ZNF124: variants seen among roughly 807,000 people sequenced by gnomAD.
The protein encoded by ZNF124 is zinc finger protein HZF-16.
A neutral mutation model predicts 26.6 loss-of-function variants in ZNF124; 25 were observed. The ratio of observed to expected loss-of-function variants is 0.94; its 90% confidence interval spans 0.68 to 1.31. The LOEUF (loss-of-function observed/expected upper bound fraction) is 1.31, where lower values mean the gene tolerates loss of function less well. Among genes scored for constraint, ZNF124 ranks in the 40% most tolerant of loss-of-function variants. The pLI is 0.00. For missense variants in ZNF124, 444 were observed against 422.2 expected, an observed-to-expected ratio of 1.05 and a Z score of -0.45; for synonymous variants, 129 against 133.3, an observed-to-expected ratio of 0.97 and a Z score of 0.22.
chr1:247,164,389 AAAC>A (rs1229470948), intron 1 of ZNF124, among the ~76,000 whole-genome samples: 1 of 152,208 alleles, frequency 6.6e-6, no homozygotes, highest in East Asian at 1.9e-4. Context: ...AGCTCCTGAT[AAAC>A]AACTTTAGCA....
intron 3 of ZNF124, among the ~76,000 whole-genome samples, chr1:247,144,780 C>CTTTT (rs5782417): frequency 6.9e-6 from 1 of 145,056 alleles, no homozygotes; most frequent in South Asian, 2.1e-4. Flanking sequence ...TTCTTTCTTT[C>CTTTT]TTTTTTTTTT....
intron 3 of ZNF124, among the ~76,000 whole-genome samples, chr1:247,148,731 C>T (rs1270473015): frequency 1.3e-5 from 2 of 151,860 alleles, no homozygotes; most frequent in Non-Finnish European, 2.9e-5. Flanking sequence ...GAGGCCGAGG[C>T]GGGCAGATCA....
rs1049385922 is a variant in ZNF124, at chr1:247,155,100, GTCTC to G, written c.*1462_*1465del. On this transcript the variant is annotated 3_prime_UTR_variant, in exon 4 of 4. Transcript: ENST00000543802. ...GACACAAGACACTGTTCGATCACAG[GTCTC>G]TCTCCTTAAACCAATGTTACCTATG... Among the ~76,000 whole-genome samples the G allele has an allele frequency of 5.9e-5, 9 of 152,218 alleles. No homozygotes were observed. The highest frequency in any genetic ancestry group is 7.3e-5 in the Non-Finnish European group (5 of 68,030).
intron 3 of ZNF124, among the ~76,000 whole-genome samples, chr1:247,143,715 T>C (rs1272920063): frequency 6.6e-6 from 1 of 152,196 alleles, no homozygotes; most frequent in Non-Finnish European, 1.5e-5. Context: ...AGGATTCCCT[T>C]ACCTGACTTA....
chr1:247,128,010 G>A (rs1672252428), intron 3 of ZNF124, among the ~76,000 whole-genome samples: 1 of 152,178 alleles, frequency 6.6e-6, no homozygotes, highest in Non-Finnish European at 1.5e-5. Flanking sequence ...ATCCATGACC[G>A]TATTCCCCAG....
rs575842650 is a variant in ZNF124, at chr1:247,168,485, G to C, written c.30+3363C>G. Among the ~76,000 whole-genome samples, 1 of 152,366 alleles carries C rather than the reference G, an allele frequency of 6.6e-6. No individual in the cohort carries two copies. On this transcript the variant is annotated intron_variant, in intron 1 of 3. Transcript: ENST00000543802. This position sits in a 1 kb window ranked among gnomAD's most constrained non-coding sequence, Gnocchi z 4.0. The stretch of plus-strand genomic sequence containing the variant: ...GCGACGGAAGGTTGTAGTGAGCCAA[G>C]ATCGTGCCACTGCACTACAGCCTGG...
chr1:247,136,374 A>T (rs554722859), intron 3 of ZNF124, among the ~76,000 whole-genome samples: 80 of 152,224 alleles, frequency 5.3e-4, no homozygotes, highest in African/African-American at 1.8e-3. Flanking sequence ...GAGTCAAATC[A>T]TGAATGAACT....
intron 3 of ZNF124, among the ~76,000 whole-genome samples, chr1:247,137,836 A>G (rs1270119081): frequency 6.6e-6 from 1 of 152,226 alleles, no homozygotes; most frequent in Non-Finnish European, 1.5e-5. Flanking sequence ...ACATTTATGC[A>G]TCTAACAAAC....
chr1:247,140,831 C>T (rs1672607830), intron 3 of ZNF124, among the ~76,000 whole-genome samples: 1 of 152,034 alleles, frequency 6.6e-6, no homozygotes, highest in Non-Finnish European at 1.5e-5. Flanking sequence ...CATGTGGCTC[C>T]CCTATATTTT....
intron 1 of ZNF124, among the ~76,000 whole-genome samples, chr1:247,169,054 C>T (rs917099939): frequency 3.9e-5 from 6 of 151,978 alleles, no homozygotes; most frequent in African/African-American, 1.5e-4. Context: ...TTTAAAATAT[C>T]TACATATATT....
chr1:247,165,985 T>G (rs953462477), intron 1 of ZNF124, among the ~76,000 whole-genome samples: 1 of 152,104 alleles, frequency 6.6e-6, no homozygotes, highest in African/African-American at 2.4e-5. Context: ...CGAGACCAGC[T>G]TGGACAATAT....
At chr1:247,154,472 G>C (rs1476049311), downstream of ZNF124, among the ~76,000 whole-genome samples, 1 of 152,042 alleles carries the variant, frequency 6.6e-6, no homozygotes, top group Non-Finnish European at 1.5e-5. Flanking sequence ...CCCAGTCTCA[G>C]GAATTTCTTC....
intron 3 of ZNF124, among the ~76,000 whole-genome samples, chr1:247,132,851 C>T (rs986211020): frequency 1.3e-4 from 20 of 152,110 alleles, no homozygotes; most frequent in Admixed American, 3.3e-4. Context: ...GACCTTCTCA[C>T]GCAGACCCCC....
In ZNF124 at chr1:247,166,241, A is replaced by C. The variant is rs149136650; in HGVS notation, c.30+5607T>G. Among the ~76,000 whole-genome samples the C allele has an allele frequency of 3.6e-4, 55 of 152,348 alleles. No homozygotes were observed. In the East Asian group the frequency reaches 8.1e-3, roughly 22 times the overall value. Reference sequence around the variant, plus strand: ...CAGATGCTGGTAAGGTTGTGGAGAAAAGGGAATGCTTATACACTGCTGGTG... The same window carrying C: ...CAGATGCTGGTAAGGTTGTGGAGAACAGGGAATGCTTATACACTGCTGGTG... On this transcript the variant is annotated intron_variant, in intron 1 of 3. Coordinates refer to ENST00000543802, the MANE Select transcript of ZNF124 (RefSeq NM_001297568.2).
At chr1:247,152,618 C>A (rs964663971), downstream of ZNF124, among the ~76,000 whole-genome samples, 1 of 152,020 alleles carries the variant, frequency 6.6e-6, no homozygotes, top group Admixed American at 6.5e-5. Flanking sequence ...ATTACTATTG[C>A]TTTTACATTC....
chr1:247,152,549 T>C (rs1340275202), downstream of ZNF124, among the ~76,000 whole-genome samples: 1 of 152,150 alleles, frequency 6.6e-6, no homozygotes, highest in Non-Finnish European at 1.5e-5. Flanking sequence ...AACCACGAAT[T>C]ACCTAGTACA....
In ZNF124 at chr1:247,156,181, T is replaced by TC. The variant is rs991834287; in HGVS notation, c.*384dup. Reference sequence around the variant, plus strand: ...GGCATTCTTTTATTTATAAGGTCAATCTGGAGTATGTGTTACCATGTGTCT... The same window carrying TC: ...GGCATTCTTTTATTTATAAGGTCAATCCTGGAGTATGTGTTACCATGTGTCT... On this transcript the variant is annotated 3_prime_UTR_variant, in exon 4 of 4. Coordinates refer to ENST00000543802, the MANE Select transcript of ZNF124 (RefSeq NM_001297568.2). 47 of 994,952 alleles carry TC rather than the reference T, an allele frequency of 4.7e-5. No homozygotes were observed. The highest frequency in any genetic ancestry group is 5.6e-5 in the Non-Finnish European group (47 of 836,924). The allele number at this position is 994,952 out of a possible 1,614,324, so 61.6% of individuals were successfully genotyped here. A position where few individuals can be genotyped will look rare whatever the true frequency, so the allele number is the denominator to read the frequency against.
At position 247,129,993 on chromosome 1, in the gene ZNF124, G is replaced by A. The variant is rs145737779; in HGVS notation, c.219-6122C>T. Among the ~76,000 whole-genome samples, 9 of 120,844 alleles carry A rather than the reference G, an allele frequency of 7.4e-5. 1 individual carries two copies. The East Asian group carries it at 1.7e-3, about 23-fold the overall frequency. The allele number at this position is 120,844 out of a possible 152,430, so 79.3% of individuals were successfully genotyped here. A position where few individuals can be genotyped will look rare whatever the true frequency, so the allele number is the denominator to read the frequency against. Reference sequence around the variant, plus strand: ...GAGGGTGGACATTGAGTACTTCCCCGAGCAGGATGGGGTGGGAGGATTCAG... The same window carrying A: ...GAGGGTGGACATTGAGTACTTCCCCAAGCAGGATGGGGTGGGAGGATTCAG... On this transcript the variant is annotated intron_variant, in intron 3 of 3. Transcript: ENST00000472531.
chr1:247,143,652 G>A (rs1323986421), intron 3 of ZNF124, among the ~76,000 whole-genome samples: 1 of 152,196 alleles, frequency 6.6e-6, no homozygotes, highest in African/African-American at 2.4e-5. Context: ...AACTCTCTGA[G>A]CCAACAAGAT....
Sources: allele counts gnomAD v4.1 joint callset (sites outside exome capture counted in the v4.1 genomes callset), GRCh38; gene constraint gnomAD v4.1.1; non-coding constraint Gnocchi (gnomAD v3.1); transcripts MANE v1.5; gene names NCBI Gene and HGNC (gene_info 2026-07-23, HGNC 2026-07-21).